The following RORA variants were observed in gnomAD, a reference collection of about 807,000 sequenced individuals.
RORA encodes RAR related orphan receptor A.
Under a neutral mutation model 69.5 loss-of-function variants are expected in RORA, and 7 were observed. The observed-to-expected ratio is 0.10, with a 90% CI of 0.06 to 0.19. The LOEUF is 0.19. Among genes scored for constraint, RORA ranks in the 10% least tolerant of loss-of-function variants. The pLI is 1.00. For synonymous variants in RORA, 261 were observed against 240.8 expected (o/e 1.08, Z -0.78); for missense variants, 457 against 663.0 (o/e 0.69, Z 3.41).
At chr15:60,948,804 C>A (rs1166319227) in intron 1 of RORA, among the ~76,000 whole-genome samples, 1 of 152,178 alleles carries the variant, frequency 6.6e-6, no homozygotes, top group Non-Finnish European at 1.5e-5. Flanking sequence ...GAAACAGACA[C>A]AAACCCATTA....
At chr15:60,709,984 G>C (rs1006972531) in intron 1 of RORA, among the ~76,000 whole-genome samples, 2 of 152,080 alleles carry the variant, frequency 1.3e-5, no homozygotes, top group African/African-American at 4.8e-5. Flanking sequence ...GAAGGTGGGG[G>C]CTGAAAGTTC....
chr15:60,693,777 C>T (rs2070863727), intron 1 of RORA, among the ~76,000 whole-genome samples: 1 of 152,036 alleles, frequency 6.6e-6, no homozygotes, highest in Non-Finnish European at 1.5e-5. Flanking sequence ...CAAACCACTG[C>T]CCAAGGAAAT....
intron 1 of RORA, among the ~76,000 whole-genome samples, chr15:61,169,331 A>G (rs1031537082): frequency 2.0e-5 from 3 of 151,946 alleles, no homozygotes; most frequent in Non-Finnish European, 4.4e-5. Flanking sequence ...GATGCTAAAA[A>G]ATACTTTCAA....
chr15:60,856,989 G>A (rs113603676), intron 1 of RORA, among the ~76,000 whole-genome samples: 9 of 152,318 alleles, frequency 5.9e-5, no homozygotes, highest in South Asian at 4.1e-4. Flanking sequence ...TAATCTGTGC[G>A]TAGAACACTG....
chr15:61,065,823 T>G (rs1297865674), intron 1 of RORA, among the ~76,000 whole-genome samples: 2 of 152,222 alleles, frequency 1.3e-5, no homozygotes, highest in Non-Finnish European at 2.9e-5. Context: ...CCCCTAACTT[T>G]CATGCAAGAC....
chr15:61,201,162 C>T (rs2079892310), intron 1 of RORA, among the ~76,000 whole-genome samples: 1 of 152,212 alleles, frequency 6.6e-6, no homozygotes, highest in Middle Eastern at 3.2e-3. Flanking sequence ...GGGTAGCTAG[C>T]TGTTCACAGT....
Position 60,758,213 on chromosome 15 carries a change from A to T in RORA, c.167-79527T>A, listed in dbSNP as rs1677054024. Among the ~76,000 whole-genome samples the T allele has an allele frequency of 2.6e-5, 4 of 152,288 alleles. No homozygotes were observed. The South Asian group carries it at 8.3e-4, about 32-fold the overall frequency. Reference sequence around the variant, plus strand: ...AATGCCTGGCACAGGGTGAATGCTCAGTAATTCTCCATGCTACAATAAGCA... The same window carrying T: ...AATGCCTGGCACAGGGTGAATGCTCTGTAATTCTCCATGCTACAATAAGCA... On this transcript the variant is annotated intron_variant, in intron 1 of 10. Transcript: ENST00000335670.
intron 1 of RORA, among the ~76,000 whole-genome samples, chr15:60,923,202 C>T (rs1293747452): frequency 6.6e-6 from 1 of 151,952 alleles, no homozygotes; most frequent in Non-Finnish European, 1.5e-5. Flanking sequence ...CAGTATTTTA[C>T]CTTGTGCTGA....
At chr15:60,664,095 T>C (rs139355485) in intron 2 of RORA, among the ~76,000 whole-genome samples, 39 of 152,320 alleles carry the variant, frequency 2.6e-4, no homozygotes, top group African/African-American at 7.7e-4. Context: ...TTCTCCTAAA[T>C]GATACTGTCC....
intron 1 of RORA, among the ~76,000 whole-genome samples, chr15:60,906,173 G>C (rs1567232186): frequency 6.6e-6 from 1 of 152,078 alleles, no homozygotes; most frequent in Non-Finnish European, 1.5e-5. Flanking sequence ...GACAGATTAG[G>C]CAGCCCTGGC....
chr15:61,050,786 T>C (rs1028677409), intron 1 of RORA, among the ~76,000 whole-genome samples: 1 of 152,216 alleles, frequency 6.6e-6, no homozygotes, highest in South Asian at 2.1e-4. Flanking sequence ...CCATGAAGGA[T>C]TGCTCTTTAA....
chr15:60,554,531 T>C (rs2067307198), intron 2 of RORA, among the ~76,000 whole-genome samples: 1 of 152,196 alleles, frequency 6.6e-6, no homozygotes, highest in Non-Finnish European at 1.5e-5. Context: ...TAATGACCCA[T>C]TGAAAGGCTT....
intron 1 of RORA, among the ~76,000 whole-genome samples, chr15:60,997,534 CA>C (rs1894594808): frequency 6.6e-6 from 1 of 152,054 alleles, no homozygotes; most frequent in Admixed American, 6.5e-5. Context: ...AAAACATCTT[CA>C]AAAATTGTTT....
intron 2 of RORA, among the ~76,000 whole-genome samples, chr15:60,589,258 T>A (rs762070856): frequency 1.3e-5 from 2 of 152,234 alleles, no homozygotes; most frequent in African/African-American, 2.4e-5. Context: ...TTTATTACAG[T>A]TGGACATACT....
intron 1 of RORA, among the ~76,000 whole-genome samples, chr15:60,912,228 T>C (rs1271367323): frequency 1.3e-5 from 2 of 148,190 alleles, no homozygotes; most frequent in Admixed American, 6.8e-5. Context: ...CTGGGCAACA[T>C]GGCAAAACCC....
intron 2 of RORA, among the ~76,000 whole-genome samples, chr15:60,605,095 T>G (rs2068914578): frequency 1.3e-5 from 2 of 152,172 alleles, no homozygotes; most frequent in South Asian, 4.1e-4. Context: ...ATTAAGATAA[T>G]TTTTCACTTT....
intron 3 of RORA, among the ~76,000 whole-genome samples, chr15:60,527,840 G>C (rs1344838469): frequency 6.6e-6 from 1 of 152,162 alleles, no homozygotes; most frequent in East Asian, 1.9e-4. Context: ...GTTATGTGCT[G>C]TCCCCTAAAT....
intron 2 of RORA, among the ~76,000 whole-genome samples, chr15:60,671,107 G>C (rs1303464732): frequency 2.0e-5 from 2 of 98,416 alleles, no homozygotes; most frequent in African/African-American, 1.1e-4. Flanking sequence ...TCTGTTTCCT[G>C]AGCGTTCTGT....
intron 1 of RORA, among the ~76,000 whole-genome samples, chr15:61,080,313 C>T (rs955286641): frequency 1.3e-5 from 2 of 152,134 alleles, no homozygotes; most frequent in African/African-American, 2.4e-5. Context: ...CCTAAGCTTA[C>T]CCATATCTTT....
Sources: allele counts gnomAD v4.1 joint callset (sites outside exome capture counted in the v4.1 genomes callset), GRCh38; gene constraint gnomAD v4.1.1; transcripts MANE v1.5; gene names NCBI Gene and HGNC (gene_info 2026-07-23, HGNC 2026-07-21).